Variants in CTNNA1 observed in about 807,000 individuals in gnomAD.
CTNNA1 encodes catenin alpha 1.
Under a neutral mutation model 98.4 loss-of-function variants are expected in CTNNA1, and 37 were observed. That is an observed-to-expected ratio of 0.38 (90% confidence interval 0.29 to 0.49). CTNNA1 has a LOEUF of 0.49. Among genes scored for constraint, CTNNA1 ranks in the 20% least tolerant of loss-of-function variants. CTNNA1 has a pLI of 0.95. For missense variants in CTNNA1, 761 were observed against 1,147.2 expected (o/e 0.66, Z 4.86); for synonymous variants, 404 against 413.2 (o/e 0.98, Z 0.27).
rs1374576740 is a variant in CTNNA1 at position 138,934,358 on chromosome 5, T to TGTTA, written c.*272_*275dup. The stretch of plus-strand genomic sequence containing the variant: ...AACCAAAGAGAATCCCACATTAGCT[T>TGTTA]GTTAGTAATGCTCTGACCAAGCCGA... On this transcript the variant is annotated 3_prime_UTR_variant, in exon 18 of 18. Coordinates refer to ENST00000302763, the MANE Select transcript of CTNNA1 (RefSeq NM_001903.5). 2.2e-4 allele frequency: 93 copies of TGTTA among 426,026 alleles called. No homozygotes were observed. Among genetic ancestry groups the TGTTA allele is most frequent in the African/African-American group, 1.7e-3 (86 of 49,650 alleles). 26.4% of individuals were successfully genotyped at this position (426,026 alleles called of 1,614,324 possible). A position where few individuals can be genotyped will look rare whatever the true frequency, so the allele number is the denominator to read the frequency against.
intron 2 of CTNNA1, 90 bp from the exon 3 acceptor site, chr5:138,783,087 T>C: frequency 9.7e-7 from 1 of 1,029,288 alleles, no homozygotes. Context: ...ATGTGATTTT[T>C]TAAAAGAATA....
chr5:138,829,632 A>G (rs1361180639), intron 7 of CTNNA1, among the ~76,000 whole-genome samples: 1 of 152,228 alleles, frequency 6.6e-6, no homozygotes, highest in Non-Finnish European at 1.5e-5. Context: ...TCATGCCATC[A>G]GTGTAAGAAA....
intron 1 of CTNNA1, among the ~76,000 whole-genome samples, chr5:138,767,832 C>T (rs1282295627): frequency 6.6e-6 from 1 of 152,164 alleles, no homozygotes; most frequent in East Asian, 1.9e-4. Context: ...CTGCATAACC[C>T]TGACACTACT....
At chr5:138,927,168 C>T (rs1764247310) in intron 13 of CTNNA1, among the ~76,000 whole-genome samples, 2 of 152,218 alleles carry the variant, frequency 1.3e-5, no homozygotes, top group Admixed American at 1.3e-4. Flanking sequence ...CCTACAGTCT[C>T]ATGAGCCACA....
chr5:138,815,643 T>C (rs1237776117), intron 5 of CTNNA1, among the ~76,000 whole-genome samples: 1 of 152,216 alleles, frequency 6.6e-6, no homozygotes, highest in Non-Finnish European at 1.5e-5. Context: ...TATGATAGTA[T>C]AGTCTCTAAA....
intron 3 of CTNNA1, among the ~76,000 whole-genome samples, chr5:138,786,416 A>C (rs900972409): frequency 2.6e-5 from 4 of 152,200 alleles, no homozygotes; most frequent in African/African-American, 9.7e-5. Flanking sequence ...ATGTCGTTGA[A>C]GCCATTTACT....
At chr5:138,754,598 TCAG>T (rs1457375419) in intron 1 of CTNNA1, 2 of 152,210 alleles carry the variant, frequency 1.3e-5, no homozygotes, top group African/African-American at 4.8e-5. Flanking sequence ...TTGTGTTTAG[TCAG>T]CAGTGATTTT....
intron 2 of CTNNA1, 139 bp downstream of exon 2, chr5:138,782,168 A>G: frequency 1.2e-6 from 1 of 805,476 alleles, no homozygotes; most frequent in East Asian, 2.7e-5. Flanking sequence ...AGATGATTTG[A>G]ATATTGATGC....
At chr5:138,830,050 C>T (rs1289340234) in intron 7 of CTNNA1, among the ~76,000 whole-genome samples, 2 of 152,122 alleles carry the variant, frequency 1.3e-5, no homozygotes, top group African/African-American at 4.8e-5. Flanking sequence ...GCCTGTAGTC[C>T]CAGCTGCTCT....
intron 7 of CTNNA1, among the ~76,000 whole-genome samples, chr5:138,830,018 T>A (rs1444615417): frequency 6.6e-6 from 1 of 151,948 alleles, no homozygotes; most frequent in Non-Finnish European, 1.5e-5. Flanking sequence ...TACAAAAAAA[T>A]TAGCCGGACA....
At chr5:138,908,668 C>T (rs570357384) in intron 10 of CTNNA1, among the ~76,000 whole-genome samples, 52 of 152,184 alleles carry the variant, frequency 3.4e-4, no homozygotes, top group Admixed American at 5.2e-4. Context: ...CCTTTGACCC[C>T]TTCTCTAAAT....
At chr5:138,825,688 G>T (rs1334583253) in intron 6 of CTNNA1, among the ~76,000 whole-genome samples, 1 of 151,382 alleles carries the variant, frequency 6.6e-6, no homozygotes, top group Admixed American at 6.6e-5. Flanking sequence ...TCTTTCTTTT[G>T]CCACTTTACT....
chr5:138,893,539 A>G (rs1306004785), intron 9 of CTNNA1, among the ~76,000 whole-genome samples: 1 of 151,344 alleles, frequency 6.6e-6, no homozygotes, highest in Non-Finnish European at 1.5e-5. Context: ...TTTAAAATAA[A>G]ATATCTTTTC....
intron 3 of CTNNA1, among the ~76,000 whole-genome samples, chr5:138,786,517 A>G (rs1350110666): frequency 6.6e-6 from 1 of 152,168 alleles, no homozygotes; most frequent in Non-Finnish European, 1.5e-5. Flanking sequence ...ACCCTTGAAC[A>G]TGGGTTGAAC....
intron 5 of CTNNA1, among the ~76,000 whole-genome samples, chr5:138,818,339 T>C (rs1473554740): frequency 6.6e-6 from 1 of 151,704 alleles, no homozygotes; most frequent in African/African-American, 2.4e-5. Flanking sequence ...GGTCCCGAAC[T>C]CCTGGGCTCA....
chr5:138,882,057 C>G (rs1407167321), intron 7 of CTNNA1, among the ~76,000 whole-genome samples: 1 of 152,186 alleles, frequency 6.6e-6, no homozygotes, highest in African/African-American at 2.4e-5. Flanking sequence ...AAATGTGTCT[C>G]TAATTGGTTA....
intron 3 of CTNNA1, among the ~76,000 whole-genome samples, chr5:138,795,880 A>G (rs922855695): frequency 6.6e-6 from 1 of 152,184 alleles, no homozygotes; most frequent in African/African-American, 2.4e-5. Context: ...GAAAACTTAC[A>G]ATTTTGTATC....
chr5:138,928,763 G>A (rs568634686), intron 13 of CTNNA1, among the ~76,000 whole-genome samples: 5 of 152,134 alleles, frequency 3.3e-5, no homozygotes, highest in African/African-American at 9.6e-5. Context: ...GTGAAACCCC[G>A]TCTCTACTAA....
chr5:138,789,196 C>G (rs3827597), intron 3 of CTNNA1, among the ~76,000 whole-genome samples: 5,447 of 152,010 alleles, frequency 0.036, 264 homozygotes, highest in African/African-American at 0.11. Flanking sequence ...TTTCCCCCCC[C>G]CCAGAGCTTA....
Sources: allele counts gnomAD v4.1 joint callset (sites outside exome capture counted in the v4.1 genomes callset), GRCh38; gene constraint gnomAD v4.1.1; transcripts MANE v1.5; gene names NCBI Gene and HGNC (gene_info 2026-07-23, HGNC 2026-07-21).